Variants in TMPRSS9 observed in about 807,000 individuals in gnomAD.
The protein encoded by TMPRSS9 is transmembrane protease serine 9.
Under a neutral mutation model 111.4 loss-of-function variants are expected in TMPRSS9, and 113 were observed. The ratio of observed to expected loss-of-function variants is 1.01; its 90% CI spans 0.87 to 1.19. The LOEUF is 1.19. Ranked by LOEUF, TMPRSS9 falls within the 50% of genes most tolerant of loss-of-function variation. The pLI, the probability that TMPRSS9 is intolerant of heterozygous loss-of-function variation, is 0.00. For synonymous variants in TMPRSS9, 805 were observed against 659.1 expected (o/e 1.22, Z -3.39); for missense variants, 1,803 against 1,513.1 (o/e 1.19, Z -3.18).
chr19:2,389,910 C>A (rs371260295), exon 1 of TMPRSS9: 1 of 1,609,892 alleles, frequency 6.2e-7, no homozygotes, highest in Non-Finnish European at 8.5e-7. Flanking sequence ...GTCGTCCTCA[C>A]CCTGGGAGTC....
At chr19:2,415,976 G>C in intron 11 of TMPRSS9, 135 bp downstream of exon 12, 1 of 1,082,730 alleles carries the variant, frequency 9.2e-7, no homozygotes, top group Non-Finnish European at 1.2e-6. Context: ...GGGCAGCTGA[G>C]AGACAGGAGG....
upstream of TMPRSS9, chr19:2,389,715 C>T: frequency 4.6e-6 from 7 of 1,531,172 alleles, no homozygotes; most frequent in Non-Finnish European, 5.3e-6. Context: ...AGAGAAGCAC[C>T]TTCAGCCTCT....
chr19:2,385,172 C>CG (rs1370531664), upstream of TMPRSS9, among the ~76,000 whole-genome samples: 153 of 11,130 alleles, frequency 0.014, 1 homozygote, highest in Middle Eastern at 0.042. Context: ...GCGGGGCTCG[C>CG]GGGGGGCGGG....
intron 1 of TMPRSS9, among the ~76,000 whole-genome samples, chr19:2,371,064 C>G (rs1367339482): frequency 6.6e-6 from 1 of 152,158 alleles, no homozygotes; most frequent in Non-Finnish European, 1.5e-5. Context: ...TCCTGTCACC[C>G]TACTCCCTGG....
chr19:2,387,740 C>G (rs1447221365), upstream of TMPRSS9, among the ~76,000 whole-genome samples: 1 of 151,904 alleles, frequency 6.6e-6, no homozygotes, highest in Non-Finnish European at 1.5e-5. Flanking sequence ...GAGACTCTCT[C>G]TCTCTTTAAA....
chr19:2,396,554 A>C, exon 2 of TMPRSS9: 1 of 1,609,048 alleles, frequency 6.2e-7, no homozygotes, highest in Non-Finnish European at 8.5e-7. Flanking sequence ...CTCTCTACAC[A>C]GGGCTTCCAC....
intron 1 of TMPRSS9, among the ~76,000 whole-genome samples, chr19:2,370,414 CTG>C (rs1970278895): frequency 7.8e-6 from 1 of 129,012 alleles, no homozygotes; most frequent in Non-Finnish European, 1.6e-5. Context: ...GAGTGAGACT[CTG>C]TCTCAAAAAA....
intron 1 of TMPRSS9, among the ~76,000 whole-genome samples, chr19:2,374,447 G>C (rs1040397155): frequency 1.3e-5 from 2 of 148,198 alleles, no homozygotes; most frequent in Non-Finnish European, 3.0e-5. Flanking sequence ...GGTGGTGGGC[G>C]CCTGTAGTCC....
upstream of TMPRSS9, among the ~76,000 whole-genome samples, chr19:2,387,932 C>A (rs541878773): frequency 6.6e-5 from 10 of 152,224 alleles, no homozygotes; most frequent in Admixed American, 5.9e-4. Context: ...AGAGGCCAGT[C>A]CCTCCAGACG....
intron 1 of TMPRSS9, among the ~76,000 whole-genome samples, chr19:2,376,159 C>T (rs139354211): frequency 6.6e-6 from 1 of 152,132 alleles, no homozygotes; most frequent in South Asian, 2.1e-4. Context: ...CCTTTCCCAG[C>T]GTCTAGAGGC....
chr19:2,416,268 G>C (rs894390700), intron 11 of TMPRSS9: 1 of 526,080 alleles, frequency 1.9e-6, no homozygotes, highest in Admixed American at 3.4e-5. Flanking sequence ...AGCTGTAGGG[G>C]GTTGGGGGGG....
chr19:2,424,251 TCGA>T (rs758603007), exon 15 of TMPRSS9: 2 of 1,385,480 alleles, frequency 1.4e-6, no homozygotes, highest in Admixed American at 5.6e-5. Context: ...GCGCACTGCT[TCGA>T]CGTGTGAGTT....
intron 4 of TMPRSS9, among the ~76,000 whole-genome samples, chr19:2,400,102 G>A (rs1385796375): frequency 1.3e-5 from 2 of 152,304 alleles, no homozygotes; most frequent in South Asian, 2.1e-4. Flanking sequence ...CACAAAAGTA[G>A]CCACAGACAA....
At chr19:2,416,905 C>T (rs1389080509) in intron 12 of TMPRSS9, 96 bp downstream of exon 13, 1 of 1,414,014 alleles carries the variant, frequency 7.1e-7, no homozygotes, top group East Asian at 2.4e-5. Context: ...GACCCTAAAC[C>T]AATTCCACTG....
intron 12 of TMPRSS9, 57 bp from the exon 14 acceptor site, chr19:2,417,945 C>A: frequency 6.2e-7 from 1 of 1,605,152 alleles, no homozygotes. Context: ...CGGAGCGGAA[C>A]TGGAGCTGCT....
At chr19:2,396,434 C>T (rs377703904) in intron 1 of TMPRSS9, 105 bp from the exon 3 acceptor site, 1 of 1,378,212 alleles carries the variant, frequency 7.3e-7, no homozygotes. Flanking sequence ...CAGGAGTGAC[C>T]ACCAGGGTGT....
In TMPRSS9 at chr19:2,418,249, C is replaced by CCCTCCTT. The variant is rs1247610830; in HGVS notation, c.2154+113_2154+114insTCCTTCC. Reference sequence around the variant, plus strand: ...GATTTTTTTCCTTTCTTTCCTTCCCCCCCTCCTTCCCTCCTTGTCCTTCCC... The same window carrying CCCTCCTT: ...GATTTTTTTCCTTTCTTTCCTTCCCCCCTCCTTCCCTCCTTCCCTCCTTGTCCTTCCC... On this transcript the variant is annotated intron_variant, in intron 13 of 17. Coordinates refer to ENST00000648592, the Ensembl canonical transcript of TMPRSS9. The CCCTCCTT allele has an allele frequency of 2.6e-5, 22 of 855,918 alleles. 3 individuals are homozygous for CCCTCCTT. The highest frequency in any genetic ancestry group is 2.7e-4 in the Middle Eastern group (1 of 3,754). The allele number at this position is 855,918 out of a possible 1,614,324, so 53.0% of individuals were successfully genotyped here.
chr19:2,391,030 AG>A, intron 1 of TMPRSS9, among the ~76,000 whole-genome samples: 1 of 61,960 alleles, frequency 1.6e-5, no homozygotes, highest in East Asian at 1.4e-3. Flanking sequence ...AAAGAAAGAA[AG>A]AAAGGGAGGG....
intron 12 of TMPRSS9, among the ~76,000 whole-genome samples, chr19:2,417,555 G>A (rs1380977920): frequency 6.6e-6 from 1 of 152,094 alleles, no homozygotes; most frequent in Non-Finnish European, 1.5e-5. Context: ...GGCTGAGGCA[G>A]GAGAATCACT....
Sources: allele counts gnomAD v4.1 joint callset (sites outside exome capture counted in the v4.1 genomes callset), GRCh38; gene constraint gnomAD v4.1.1; transcripts MANE v1.5; gene names NCBI Gene and HGNC (gene_info 2026-07-23, HGNC 2026-07-21).